FAM13C: variants seen among roughly 807,000 people sequenced by gnomAD.
FAM13C encodes protein FAM13C.
In FAM13C, 37 loss-of-function variants were observed where a neutral mutation model predicts 73.2. The observed-to-expected ratio is 0.51, with a 90% CI of 0.39 to 0.67. FAM13C has a LOEUF of 0.67. Ranked by LOEUF, FAM13C falls within the 30% of genes least tolerant of loss-of-function variation. The pLI is 0.00. For synonymous variants in FAM13C, 246 were observed against 260.9 expected (o/e 0.94, Z 0.55); for missense variants, 589 against 715.6 (o/e 0.82, Z 2.02).
chr10:59,260,986 A>G (rs546865731), intron 10 of FAM13C, among the ~76,000 whole-genome samples: 32 of 152,278 alleles, frequency 2.1e-4, no homozygotes, highest in African/African-American at 7.0e-4. Context: ...TTCTAACTCT[A>G]CTATATCAAT....
At chr10:59,339,248 T>C (rs1853171561) in intron 3 of FAM13C, among the ~76,000 whole-genome samples, 1 of 152,106 alleles carries the variant, frequency 6.6e-6, no homozygotes, top group African/African-American at 2.4e-5. Flanking sequence ...ACCCTATTGC[T>C]ATTAAAGGTC....
intron 3 of FAM13C, among the ~76,000 whole-genome samples, chr10:59,325,909 T>C (rs561522313): frequency 6.6e-6 from 1 of 152,274 alleles, no homozygotes; most frequent in Non-Finnish European, 1.5e-5. Flanking sequence ...ATAGCAATAT[T>C]ATTTTAAATA....
chr10:59,321,916 C>T (rs1030641610), intron 4 of FAM13C, among the ~76,000 whole-genome samples: 1 of 152,086 alleles, frequency 6.6e-6, no homozygotes, highest in Non-Finnish European at 1.5e-5. Context: ...ATAGCATTCT[C>T]CCCAGCCCAC....
chr10:59,362,259 T>C (rs1856506198), intron 1 of FAM13C, 140 bp downstream of exon 1: 1 of 1,210,432 alleles, frequency 8.3e-7, no homozygotes, highest in African/African-American at 1.5e-5. Context: ...TCAGCACGTC[T>C]CACGGTCTTC....
intron 5 of FAM13C, among the ~76,000 whole-genome samples, chr10:59,289,732 C>T (rs1364852710): frequency 2.0e-5 from 3 of 152,126 alleles, no homozygotes; most frequent in Admixed American, 6.5e-5. Context: ...CCATCATGCC[C>T]GACTTAGTGA....
intron 5 of FAM13C, among the ~76,000 whole-genome samples, chr10:59,285,162 C>T (rs896858952): frequency 6.6e-5 from 10 of 152,176 alleles, no homozygotes; most frequent in African/African-American, 2.4e-4. Context: ...TGGGGTGGGA[C>T]CCGGCGCAAA....
At chr10:59,292,174 A>G (rs1846338801) in intron 5 of FAM13C, among the ~76,000 whole-genome samples, 1 of 152,166 alleles carries the variant, frequency 6.6e-6, no homozygotes, top group Non-Finnish European at 1.5e-5. Context: ...CTCACTTACA[A>G]CTCATGGAAT....
chr10:59,357,928 A>G (rs1165631647), intron 1 of FAM13C, among the ~76,000 whole-genome samples: 1 of 152,252 alleles, frequency 6.6e-6, no homozygotes, highest in Non-Finnish European at 1.5e-5. Flanking sequence ...TTAACATTTT[A>G]AAGTATTCTT....
At chr10:59,323,873 A>C in intron 4 of FAM13C, 115 bp downstream of exon 4, 4 of 899,822 alleles carry the variant, frequency 4.4e-6, no homozygotes, top group Non-Finnish European at 7.5e-6. Flanking sequence ...TCTGACTATA[A>C]GGAATGCCAG....
Position 59,352,363 on chromosome 10 carries a change from G to C in FAM13C, c.231C>G (p.Asp77Glu), listed in dbSNP as rs1242635487. 1 of 1,614,094 alleles carries C rather than the reference G, an allele frequency of 6.2e-7. No homozygotes were observed. Among genetic ancestry groups the C allele is most frequent in the Middle Eastern group, 1.6e-4 (1 of 6,082 alleles). Residue 77 changes from aspartate to glutamate, a missense_variant, in exon 3 of 14, where the codon GAC (aspartate) becomes GAG (glutamate). Coordinates refer to ENST00000618804, the MANE Select transcript of FAM13C (RefSeq NM_198215.4). ...QQNVEATVLV[D>E]SVLRPSMGNF... Reference sequence around the variant, plus strand: ...TGCCCATGCTGGGTCGCAATACGCTGTCCACCAGCACGGTCGCCTCTACAT... The same window carrying C: ...TGCCCATGCTGGGTCGCAATACGCTCTCCACCAGCACGGTCGCCTCTACAT...
chr10:59,255,465 C>T (rs924364808), intron 10 of FAM13C, among the ~76,000 whole-genome samples: 23 of 152,006 alleles, frequency 1.5e-4, no homozygotes, highest in African/African-American at 5.3e-4. Flanking sequence ...CCAAAGTGAC[C>T]GAACTCCTCT....
chr10:59,325,512 C>G (rs1167115280), intron 3 of FAM13C, among the ~76,000 whole-genome samples: 1 of 152,092 alleles, frequency 6.6e-6, no homozygotes, highest in Non-Finnish European at 1.5e-5. Flanking sequence ...TGCACTAGTC[C>G]CCTAGACTTC....
chr10:59,340,092 C>T (rs1853292609), intron 3 of FAM13C, among the ~76,000 whole-genome samples: 1 of 152,110 alleles, frequency 6.6e-6, no homozygotes, highest in Non-Finnish European at 1.5e-5. Flanking sequence ...ACAGTTATGG[C>T]CTTGCAATCA....
At chr10:59,256,565 G>A (rs1841963619) in intron 10 of FAM13C, among the ~76,000 whole-genome samples, 1 of 152,116 alleles carries the variant, frequency 6.6e-6, no homozygotes, top group Non-Finnish European at 1.5e-5. Flanking sequence ...AATCCCTGAG[G>A]AAACGTGAGG....
intron 5 of FAM13C, among the ~76,000 whole-genome samples, chr10:59,284,991 C>G (rs1845390276): frequency 6.6e-6 from 1 of 152,214 alleles, no homozygotes. Flanking sequence ...TCGAGTCCCA[C>G]ACACACCACT....
chr10:59,317,126 ATGTG>A lies in FAM13C; in HGVS notation c.443+6858_443+6861del, dbSNP rs5785374. Among the ~76,000 whole-genome samples the A allele has an allele frequency of 7.8e-3, 1,156 of 149,128 alleles. 11 individuals carry two copies. The highest frequency in any genetic ancestry group is 0.023 in the African/African-American group (926 of 40,568). On this transcript the variant is annotated intron_variant, in intron 4 of 13. Coordinates refer to ENST00000618804, the MANE Select transcript of FAM13C (RefSeq NM_198215.4). ...GTGTATGTGTATGTCACTATACATA[ATGTG>A]TGTGTGTGTGTGTGTGTGTGTGTGT...
intron 10 of FAM13C, among the ~76,000 whole-genome samples, chr10:59,260,849 T>C (rs1331707895): frequency 6.6e-6 from 1 of 152,176 alleles, no homozygotes. Context: ...TTCTCTCTTA[T>C]TGTCATGATA....
At chr10:59,287,443 C>T (rs1211376245) in intron 5 of FAM13C, among the ~76,000 whole-genome samples, 1 of 148,532 alleles carries the variant, frequency 6.7e-6, no homozygotes, top group Non-Finnish European at 1.5e-5. Flanking sequence ...AAAAGAAAGG[C>T]TAGCATTCTT....
At chr10:59,362,779 T>A, upstream of FAM13C, 13 of 404,246 alleles carry the variant, frequency 3.2e-5, no homozygotes, top group East Asian at 5.0e-5. Context: ...AGGCGCCGCG[T>A]TTAATCTTGG....
Sources: gnomAD v4.1 joint callset for allele counts (sites outside exome capture counted in the v4.1 genomes callset) on GRCh38, gnomAD v4.1.1 for gene constraint, MANE v1.5 for transcripts, NCBI Gene and HGNC (gene_info 2026-07-23, HGNC 2026-07-21) for gene names.